RGS7BP: variants seen among roughly 807,000 people sequenced by gnomAD.
RGS7BP encodes regulator of G protein signaling 7-binding protein.
Under a neutral mutation model 31.3 loss-of-function variants are expected in RGS7BP, and 9 were observed. The observed-to-expected ratio is 0.29, with a 90% CI of 0.17 to 0.50. RGS7BP has a LOEUF of 0.50. Among genes scored for constraint, RGS7BP ranks in the 20% least tolerant of loss-of-function variants. The pLI is 0.98. For synonymous variants in RGS7BP, 115 were observed against 120.1 expected (o/e 0.96, Z 0.28); for missense variants, 274 against 322.0 (o/e 0.85, Z 1.14).
intron 2 of RGS7BP, among the ~76,000 whole-genome samples, chr5:64,537,948 A>C (rs561947648): frequency 1.3e-5 from 2 of 152,370 alleles, no homozygotes; most frequent in African/African-American, 4.8e-5. Flanking sequence ...GGAAAGAAAG[A>C]GGAAAGAACT....
intron 2 of RGS7BP, among the ~76,000 whole-genome samples, chr5:64,516,094 G>A (rs903164738): frequency 3.9e-5 from 6 of 152,026 alleles, no homozygotes; most frequent in Admixed American, 2.0e-4. Flanking sequence ...GTGACTCACC[G>A]CTCTCGACCG....
intron 3 of RGS7BP, among the ~76,000 whole-genome samples, chr5:64,589,381 A>G (rs55721626): frequency 0.31 from 47,312 of 151,990 alleles, 7,793 homozygotes; most frequent in Middle Eastern, 0.46. Context: ...TAAACAAATG[A>G]TTGATAATAC....
At chr5:64,567,882 T>TGGA (rs200308384) in intron 2 of RGS7BP, among the ~76,000 whole-genome samples, 8,393 of 152,234 alleles carry the variant, frequency 0.055, 338 homozygotes, top group Non-Finnish European at 0.088. Flanking sequence ...AGTTGATTTC[T>TGGA]TTCCAGTATA....
chr5:64,541,789 C>T (rs1281440624), intron 2 of RGS7BP, among the ~76,000 whole-genome samples: 1 of 151,950 alleles, frequency 6.6e-6, no homozygotes, highest in East Asian at 1.9e-4. Context: ...GTACTAAATC[C>T]ACCTCTGTCA....
chr5:64,513,166 C>A (rs189149115), intron 2 of RGS7BP, among the ~76,000 whole-genome samples: 8 of 152,300 alleles, frequency 5.3e-5, no homozygotes, highest in Middle Eastern at 3.4e-3. Context: ...GAGATCCAAA[C>A]CTAGTACATT....
At chr5:64,574,707 G>A (rs930337149) in intron 2 of RGS7BP, among the ~76,000 whole-genome samples, 1 of 152,164 alleles carries the variant, frequency 6.6e-6, no homozygotes, top group Admixed American at 6.5e-5. Context: ...GTAATGTGCT[G>A]TGTACACACA....
At chr5:64,601,490 GT>G in intron 5 of RGS7BP, 3 of 940,084 alleles carry the variant, frequency 3.2e-6, no homozygotes, top group Non-Finnish European at 3.8e-6. Context: ...AATTTTAATG[GT>G]TAGTGATTAT....
chr5:64,564,269 G>A (rs368564879), intron 2 of RGS7BP, among the ~76,000 whole-genome samples: 34 of 152,118 alleles, frequency 2.2e-4, no homozygotes, highest in African/African-American at 8.2e-4. Context: ...TGCCATTGGG[G>A]AAGTATTTCC....
chr5:64,521,440 A>G (rs959243230), intron 2 of RGS7BP, among the ~76,000 whole-genome samples: 2 of 152,040 alleles, frequency 1.3e-5, no homozygotes, highest in Non-Finnish European at 2.9e-5. Context: ...TATTTTTAGT[A>G]GAGACGGGGT....
chr5:64,517,382 T>A (rs2111890195), intron 2 of RGS7BP, among the ~76,000 whole-genome samples: 1 of 152,318 alleles, frequency 6.6e-6, no homozygotes, highest in African/African-American at 2.4e-5. Context: ...AGGGAAAGAA[T>A]GGATATTGGG....
intron 2 of RGS7BP, among the ~76,000 whole-genome samples, chr5:64,520,791 G>C (rs1749088939): frequency 6.6e-6 from 1 of 152,224 alleles, no homozygotes; most frequent in Admixed American, 6.5e-5. Flanking sequence ...GAGCACAGGG[G>C]GTGAGGGTGG....
At chr5:64,507,633 C>A (rs1748730998) in intron 1 of RGS7BP, 78 bp from the exon 2 acceptor site, 1 of 1,369,340 alleles carries the variant, frequency 7.3e-7, no homozygotes, top group African/African-American at 1.5e-5. Flanking sequence ...GTGAAAGCCC[C>A]TGTTTATGTA....
At chr5:64,544,441 G>A (rs901609182) in intron 2 of RGS7BP, among the ~76,000 whole-genome samples, 2 of 151,460 alleles carry the variant, frequency 1.3e-5, no homozygotes, top group Admixed American at 6.6e-5. Context: ...TTGGGAGGCT[G>A]AGGCAGGAGG....
chr5:64,535,826 T>C (rs532733311), intron 2 of RGS7BP, among the ~76,000 whole-genome samples: 386 of 152,328 alleles, frequency 2.5e-3, no homozygotes, highest in African/African-American at 8.9e-3. Context: ...TGGCCAGTTA[T>C]TGTCAAAGGA....
At chr5:64,530,554 G>C (rs960966265) in intron 2 of RGS7BP, among the ~76,000 whole-genome samples, 5 of 152,168 alleles carry the variant, frequency 3.3e-5, no homozygotes, top group African/African-American at 1.2e-4. Context: ...GCTAGTGTCA[G>C]TGCTTGAACT....
intron 3 of RGS7BP, 44 bp from the exon 4 acceptor site, chr5:64,594,666 A>G (rs915508797): frequency 1.9e-6 from 3 of 1,607,072 alleles, no homozygotes; most frequent in Admixed American, 3.3e-5. Flanking sequence ...TGCCTTTATG[A>G]TTTCTTTTTC....
At chr5:64,550,873 T>A (rs1408201831) in intron 2 of RGS7BP, among the ~76,000 whole-genome samples, 2 of 151,814 alleles carry the variant, frequency 1.3e-5, no homozygotes, top group Non-Finnish European at 2.9e-5. Flanking sequence ...GAATGATGGT[T>A]TCCAGTTTCA....
At chr5:64,527,606 T>TAAAAAAAAAAAAAAAAAAAAAAAAA (rs59081277) in intron 2 of RGS7BP, among the ~76,000 whole-genome samples, 1 of 86,464 alleles carries the variant, frequency 1.2e-5, no homozygotes, top group Non-Finnish European at 2.3e-5. Flanking sequence ...CTTATAACAG[T>TAAAAAAAAAAAAAAAAAAAAAAAAA]AAAAAAAAAA....
intron 2 of RGS7BP, among the ~76,000 whole-genome samples, chr5:64,522,721 C>T (rs1053592869): frequency 6.6e-6 from 1 of 152,210 alleles, no homozygotes; most frequent in Non-Finnish European, 1.5e-5. Flanking sequence ...ATGTTTTAAG[C>T]TACCAAATCT....
Sources: gnomAD v4.1 joint callset for allele counts (sites outside exome capture counted in the v4.1 genomes callset) on GRCh38, gnomAD v4.1.1 for gene constraint, MANE v1.5 for transcripts, NCBI Gene and HGNC (gene_info 2026-07-23, HGNC 2026-07-21) for gene names.